Variants in MTUS1 observed in about 807,000 individuals in gnomAD.
The protein encoded by MTUS1 is microtubule associated scaffold protein 1.
Under a neutral mutation model 120.8 loss-of-function variants are expected in MTUS1, and 109 were observed. The ratio of observed to expected loss-of-function variants is 0.90; its 90% confidence interval spans 0.77 to 1.06. The LOEUF is 1.06. Ranked by LOEUF, MTUS1 falls within the 50% of genes least tolerant of loss-of-function variation. The pLI, the probability that MTUS1 is intolerant of heterozygous loss-of-function variation, is 0.00. For synonymous variants in MTUS1, 737 were observed against 550.5 expected (o/e 1.34, Z -4.74); for missense variants, 2,210 against 1,486.3 (o/e 1.49, Z -8.01).
At chr8:17,708,852 A>C (rs1297112527) in intron 6 of MTUS1, 1 of 152,168 alleles carries the variant, frequency 6.6e-6, no homozygotes, top group Non-Finnish European at 1.5e-5. Context: ...ACGAATTCTG[A>C]GATAGCTGGG....
At chr8:17,650,641 C>G (rs925281727) in intron 12 of MTUS1, among the ~76,000 whole-genome samples, 22 of 152,132 alleles carry the variant, frequency 1.4e-4, no homozygotes, top group African/African-American at 4.8e-4. Context: ...GCCAGGAGGT[C>G]AAGGCTGCAG....
chr8:17,695,382 T>C (rs1229484004), intron 6 of MTUS1, among the ~76,000 whole-genome samples: 3 of 152,246 alleles, frequency 2.0e-5, no homozygotes, highest in Non-Finnish European at 1.5e-5. Flanking sequence ...TGTGTGCCTC[T>C]GGGCAAGCGA....
At chr8:17,651,452 C>A (rs1397479367) in intron 12 of MTUS1, among the ~76,000 whole-genome samples, 1 of 152,006 alleles carries the variant, frequency 6.6e-6, no homozygotes, top group Non-Finnish European at 1.5e-5. Context: ...CACACGTACC[C>A]CATAAGTACA....
At chr8:17,759,043 G>A (rs569554956) in intron 1 of MTUS1, among the ~76,000 whole-genome samples, 9 of 151,038 alleles carry the variant, frequency 6.0e-5, no homozygotes, top group African/African-American at 1.5e-4. Context: ...CACCATGCCC[G>A]GCTCATTTTC....
Position 17,755,376 on chromosome 8 carries a change from G to A in MTUS1, c.432C>T (p.Asp144=), listed in dbSNP as rs762352640. 44 of 1,614,048 alleles carry A rather than the reference G, an allele frequency of 2.7e-5. No homozygotes were observed. The Admixed American group carries it at 7.0e-4, about 26-fold the overall frequency. Residue 144 remains aspartate (D), a synonymous_variant, in exon 2 of 15, where the codon GAC becomes GAT. Coordinates refer to ENST00000693296, the MANE Select transcript of MTUS1 (RefSeq NM_001363059.2). ...PSLPFVWKPN[D]NLNCAGYCDA... is the part of the protein sequence containing the mutation. ...CACAGTAGCCTGCACAGTTCAAATT[G>A]TCATTAGGCTTCCACACAAAAGGCA...
intron 6 of MTUS1, among the ~76,000 whole-genome samples, chr8:17,702,494 C>T (rs1045230786): frequency 6.6e-6 from 1 of 152,106 alleles, no homozygotes; most frequent in Non-Finnish European, 1.5e-5. Context: ...ACAAACATCT[C>T]GAAAACCTTT....
intron 6 of MTUS1, among the ~76,000 whole-genome samples, chr8:17,694,508 A>G (rs910553223): frequency 3.3e-5 from 5 of 152,108 alleles, no homozygotes; most frequent in African/African-American, 1.2e-4. Context: ...TCTATTAAAA[A>G]TACAAAGAAA....
At chr8:17,782,556 A>C (rs922347704) in intron 1 of MTUS1, among the ~76,000 whole-genome samples, 3 of 152,244 alleles carry the variant, frequency 2.0e-5, no homozygotes, top group Non-Finnish European at 4.4e-5. Flanking sequence ...TAAATGTTTT[A>C]ACAGTGAAGT....
At chr8:17,717,240 C>T (rs996520565) in intron 4 of MTUS1, among the ~76,000 whole-genome samples, 5 of 152,214 alleles carry the variant, frequency 3.3e-5, no homozygotes, top group Non-Finnish European at 7.3e-5. Flanking sequence ...TGAGAAAATT[C>T]TGTCAATTTC....
intron 1 of MTUS1, among the ~76,000 whole-genome samples, chr8:17,756,357 T>C (rs1014992904): frequency 6.6e-6 from 1 of 152,162 alleles, no homozygotes; most frequent in Non-Finnish European, 1.5e-5. Context: ...AGTATGTCTG[T>C]TGTCCCAGGA....
At chr8:17,731,491 ATAAAT>A (rs1444551007) in intron 3 of MTUS1, among the ~76,000 whole-genome samples, 3 of 152,212 alleles carry the variant, frequency 2.0e-5, no homozygotes, top group Non-Finnish European at 2.9e-5. Flanking sequence ...ATCCACCAAA[ATAAAT>A]TAAATTGGAT....
At chr8:17,775,255 T>C in intron 1 of MTUS1, among the ~76,000 whole-genome samples, 1 of 152,204 alleles carries the variant, frequency 6.6e-6, no homozygotes. Context: ...TTTCATGTTA[T>C]ATATATTTTA....
intron 8 of MTUS1, among the ~76,000 whole-genome samples, chr8:17,663,545 T>G (rs1485736435): frequency 6.6e-6 from 1 of 152,208 alleles, no homozygotes; most frequent in Non-Finnish European, 1.5e-5. Context: ...ACTCAGCTGC[T>G]ACATCACTTG....
chr8:17,655,750 G>A (rs1808068650), intron 9 of MTUS1, 113 bp downstream of exon 9: 1 of 902,216 alleles, frequency 1.1e-6, no homozygotes, highest in Non-Finnish European at 1.8e-6. Flanking sequence ...ACAACAACAT[G>A]CTTTTTATAC....
chr8:17,760,589 T>G (rs750089616), intron 1 of MTUS1, among the ~76,000 whole-genome samples: 3 of 152,174 alleles, frequency 2.0e-5, no homozygotes, highest in Non-Finnish European at 4.4e-5. Flanking sequence ...TTTTACTGCC[T>G]ATTTTATTTC....
chr8:17,715,378 A>C (rs1225725577), intron 5 of MTUS1, among the ~76,000 whole-genome samples: 1 of 152,218 alleles, frequency 6.6e-6, no homozygotes, highest in Non-Finnish European at 1.5e-5. Context: ...TTAGAGGAAG[A>C]ACAATGTCTT....
At chr8:17,743,575 CAT>C in intron 3 of MTUS1, 27 bp downstream of exon 3, 6 of 1,586,482 alleles carry the variant, frequency 3.8e-6, no homozygotes, top group Non-Finnish European at 5.2e-6. Flanking sequence ...TCAATTAACT[CAT>C]AAACTATTGA....
chr8:17,726,071 C>T (rs1381623912), intron 3 of MTUS1, among the ~76,000 whole-genome samples: 3 of 152,176 alleles, frequency 2.0e-5, no homozygotes, highest in African/African-American at 2.4e-5. Context: ...CTTCTGCTTA[C>T]GCCCATCCTT....
At chr8:17,649,813 G>C (rs1806593187) in intron 13 of MTUS1, 33 bp downstream of exon 13, 1 of 1,234,418 alleles carries the variant, frequency 8.1e-7, no homozygotes. Context: ...TACCCCATTT[G>C]TAAGATCCTC....
Sources: allele counts gnomAD v4.1 joint callset (sites outside exome capture counted in the v4.1 genomes callset), GRCh38; gene constraint gnomAD v4.1.1; transcripts MANE v1.5; gene names NCBI Gene and HGNC (gene_info 2026-07-23, HGNC 2026-07-21).